The following FKTN variants were observed in gnomAD, a reference collection of about 807,000 sequenced individuals.
FKTN encodes the protein fukutin, also known as ribitol-5-phosphate transferase FKTN.
Under a neutral mutation model 58.6 loss-of-function variants are expected in FKTN, and 47 were observed. The observed-to-expected ratio is 0.80, with a 90% CI of 0.63 to 1.02. FKTN has a LOEUF of 1.02. Ranked by LOEUF, FKTN falls within the 50% of genes least tolerant of loss-of-function variation. The pLI, the probability that FKTN is intolerant of heterozygous loss-of-function variation, is 0.00. For missense variants in FKTN, 516 were observed against 537.3 expected, an observed-to-expected ratio of 0.96 and a Z score of 0.39; for synonymous variants, 178 against 191.9, an observed-to-expected ratio of 0.93 and a Z score of 0.60.
intron 10 of FKTN, 158 bp downstream of exon 10, chr9:105,620,219 G>C: frequency 1.6e-6 from 1 of 608,448 alleles, no homozygotes; most frequent in Non-Finnish European, 2.8e-6. Context: ...AGTTATGCCT[G>C]TGAAGTAAGA....
intron 5 of FKTN, among the ~76,000 whole-genome samples, chr9:105,604,013 A>G (rs530856227): frequency 5.5e-4 from 83 of 151,996 alleles, no homozygotes; most frequent in Admixed American, 2.3e-3. Context: ...CATACTTTGT[A>G]TTTTTGCTGC....
At chr9:105,570,096 G>A (rs1840476618) in intron 1 of FKTN, among the ~76,000 whole-genome samples, 2 of 151,716 alleles carry the variant, frequency 1.3e-5, no homozygotes, top group African/African-American at 4.8e-5. Context: ...TTTGAAGGTT[G>A]GAACCAGATA....
intron 4 of FKTN, chr9:105,598,566 C>CTT (rs983033290): frequency 5.9e-5 from 9 of 152,124 alleles, no homozygotes; most frequent in African/African-American, 2.2e-4. Flanking sequence ...GTTTTTCAGT[C>CTT]TTATAAACAA....
intron 1 of FKTN, among the ~76,000 whole-genome samples, chr9:105,565,045 A>T (rs143341229): frequency 0.019 from 2,832 of 152,298 alleles, 79 homozygotes; most frequent in African/African-American, 0.065. Flanking sequence ...ATCCAGCCAA[A>T]CTAAGCTTCA....
intron 3 of FKTN, among the ~76,000 whole-genome samples, chr9:105,583,219 C>G (rs1843339411): frequency 6.6e-6 from 1 of 152,188 alleles, no homozygotes; most frequent in Non-Finnish European, 1.5e-5. Flanking sequence ...TGAGCAGGCC[C>G]TATGCGAAGC....
chr9:105,598,061 C>T (rs759680361), intron 4 of FKTN: 38 of 427,716 alleles, frequency 8.9e-5, no homozygotes, highest in Admixed American at 4.4e-4. Context: ...AAAAAAGTAG[C>T]GTGACTCTAT....
At chr9:105,586,467 C>A (rs1012256792) in intron 3 of FKTN, among the ~76,000 whole-genome samples, 1 of 152,102 alleles carries the variant, frequency 6.6e-6, no homozygotes, top group African/African-American at 2.4e-5. Context: ...TTTATGCAAC[C>A]AACAGGATAG....
At chr9:105,630,062 G>A (rs1833218249) in intron 10 of FKTN, among the ~76,000 whole-genome samples, 1 of 152,090 alleles carries the variant, frequency 6.6e-6, no homozygotes, top group African/African-American at 2.4e-5. Flanking sequence ...GGGGTAGGGG[G>A]AGAGGGGAGG....
In FKTN at chr9:105,601,286, T is replaced by C; in HGVS notation, c.307T>C (p.Phe103Leu). The change falls in exon 5 of 11, where the codon TTT (phenylalanine) becomes CTT (leucine). Residue 103 changes from phenylalanine to leucine, a missense_variant. Transcript: ENST00000357998. ...TCATGGCTCTACTTCACAATGCAAGTTTTTCTGTGTTCCAAGAGACTTTAC... is the reference window on the plus strand; with the variant it reads ...TCATGGCTCTACTTCACAATGCAAGCTTTTCTGTGTTCCAAGAGACTTTAC... ...TSHGSTSQCK[F>L]FCVPRDFTAF... is the part of the protein sequence containing the mutation. 6.2e-7 allele frequency: 1 copy of C among 1,612,704 alleles called. No homozygotes were observed. The highest frequency in any genetic ancestry group is 8.5e-7 in the Non-Finnish European group (1 of 1,179,530).
At position 105,580,112 on chromosome 9, in the gene FKTN, C is replaced by G. The variant is rs540567353; in HGVS notation, c.105+4975C>G. ...TACAGCATACTGGTGGGTCTTGACT[C>G]TTTATCCAATTTGCCAGTCTGTGTC... On this transcript the variant is annotated intron_variant, in intron 3 of 10. Coordinates refer to ENST00000357998, the MANE Select transcript of FKTN (RefSeq NM_001079802.2). Among the ~76,000 whole-genome samples, 3 of 152,122 alleles carry G rather than the reference C, an allele frequency of 2.0e-5. No homozygotes were observed. In the South Asian group the frequency reaches 6.2e-4, roughly 32 times the overall value.
Position 105,639,653 on chromosome 9 carries a change from T to A in FKTN, c.*4389T>A. 1.7e-5 allele frequency: 15 copies of A among 900,980 alleles called. No homozygotes were observed. The highest frequency in any genetic ancestry group is 5.1e-5 in the South Asian group (1 of 19,562). The allele number at this position is 900,980 out of a possible 1,614,324, so 55.8% of individuals were successfully genotyped here. A position where few individuals can be genotyped will look rare whatever the true frequency, so the allele number is the denominator to read the frequency against. On this transcript the variant is annotated 3_prime_UTR_variant, in exon 11 of 11. Transcript: ENST00000357998. ...CTGAATTTGCTTAAGAAAAAAAAAA[T>A]TGTATCAAGTCATTAATACAATTAT...
intron 10 of FKTN, among the ~76,000 whole-genome samples, chr9:105,626,107 TA>T (rs779623374): frequency 5.9e-5 from 9 of 152,226 alleles, no homozygotes; most frequent in Non-Finnish European, 1.0e-4. Context: ...ATATCACAAA[TA>T]TTTATTAAGT....
At chr9:105,581,091 A>G (rs1842791247) in intron 3 of FKTN, among the ~76,000 whole-genome samples, 2 of 149,628 alleles carry the variant, frequency 1.3e-5, no homozygotes, top group Non-Finnish European at 3.0e-5. Context: ...AAAGTTTTTA[A>G]CTTCTTTGCC....
In FKTN at chr9:105,639,846, G is replaced by A; in HGVS notation, c.*4582G>A. On this transcript the variant is annotated 3_prime_UTR_variant, in exon 11 of 11. Coordinates refer to ENST00000357998, the MANE Select transcript of FKTN (RefSeq NM_001079802.2). ...GTTTGCTGGTCCCAAGCAGTTTACT[G>A]TACTTCACTAGATTTGGTACCTGCT... 1 of 1,327,286 alleles carries A rather than the reference G, an allele frequency of 7.5e-7. No homozygotes were observed. The highest frequency in any genetic ancestry group is 9.6e-7 in the Non-Finnish European group (1 of 1,040,642). The allele number at this position is 1,327,286 out of a possible 1,614,324, so 82.2% of individuals were successfully genotyped here.
At position 105,636,072 on chromosome 9, in the gene FKTN, C is replaced by T. The variant is rs1215182112; in HGVS notation, c.*808C>T. 3.0e-6 allele frequency: 3 copies of T among 984,518 alleles called. No individual in the cohort carries two copies. In the African/African-American group the frequency reaches 5.2e-5, roughly 17 times the overall value. 61.0% of individuals were successfully genotyped at this position (984,518 alleles called of 1,614,324 possible). A position where few individuals can be genotyped will look rare whatever the true frequency, so the allele number is the denominator to read the frequency against. On this transcript the variant is annotated 3_prime_UTR_variant, in exon 11 of 11. Coordinates refer to ENST00000357998, the MANE Select transcript of FKTN (RefSeq NM_001079802.2). ...TACTAGACATGATCTTGAAAGAGGC[C>T]ATGATTTCACAAAACTCATTTTTAT...
intron 10 of FKTN, among the ~76,000 whole-genome samples, chr9:105,625,601 C>T (rs1008020416): frequency 2.0e-5 from 3 of 151,848 alleles, no homozygotes; most frequent in African/African-American, 7.3e-5. Context: ...AGGAGGTGAC[C>T]GGAAGAAATG....
intron 10 of FKTN, among the ~76,000 whole-genome samples, chr9:105,625,780 G>A (rs1832667764): frequency 6.6e-6 from 1 of 151,786 alleles, no homozygotes. Flanking sequence ...ACTATACAAA[G>A]CAAATGTATG....
At chr9:105,618,340 A>G (rs1325329407) in intron 9 of FKTN, among the ~76,000 whole-genome samples, 1 of 152,216 alleles carries the variant, frequency 6.6e-6, no homozygotes, top group African/African-American at 2.4e-5. Flanking sequence ...CTTTTGCACC[A>G]ATAATGATAA....
rs1233545487 is a variant in FKTN, at chr9:105,579,815, G to A, written c.105+4678G>A. Among the ~76,000 whole-genome samples the A allele has an allele frequency of 4.0e-5, 6 of 151,134 alleles. No individual in the cohort carries two copies. The East Asian group carries it at 1.2e-3, about 29-fold the overall frequency. ...TGTGGGAGTCTAAGTCTCTTTGTAG[G>A]TCACACAGGACTTGCTTTATGAATC... On this transcript the variant is annotated intron_variant, in intron 3 of 10. Coordinates refer to ENST00000357998, the MANE Select transcript of FKTN (RefSeq NM_001079802.2).
Sources: gnomAD v4.1 joint callset for allele counts (sites outside exome capture counted in the v4.1 genomes callset) on GRCh38, gnomAD v4.1.1 for gene constraint, MANE v1.5 for transcripts, NCBI Gene and HGNC (gene_info 2026-07-23, HGNC 2026-07-21) for gene names.